The following FAM20A variants were observed in gnomAD, a reference collection of about 807,000 sequenced individuals.
The protein encoded by FAM20A is FAM20A golgi associated secretory pathway pseudokinase.
A neutral mutation model predicts 52.0 loss-of-function variants in FAM20A; 42 were observed. That is an observed-to-expected ratio of 0.81 (90% confidence interval 0.63 to 1.04). The LOEUF (loss-of-function observed/expected upper bound fraction) is 1.04. Ranked by LOEUF, FAM20A falls within the 50% of genes least tolerant of loss-of-function variation. FAM20A has a pLI of 0.00. For synonymous variants in FAM20A, 304 were observed against 298.9 expected (o/e 1.02, Z -0.18); for missense variants, 742 against 712.7 (o/e 1.04, Z -0.47).
intron 8 of FAM20A, 103 bp from the exon 9 acceptor site, chr17:68,540,069 GAC>G (rs1425834637): frequency 9.0e-6 from 9 of 996,648 alleles, no homozygotes; most frequent in East Asian, 5.0e-5. Flanking sequence ...TCACTTGAGA[GAC>G]AGGGGTGTGA....
At chr17:68,564,770 G>A (rs2087326891) in intron 1 of FAM20A, among the ~76,000 whole-genome samples, 1 of 152,148 alleles carries the variant, frequency 6.6e-6, no homozygotes. Flanking sequence ...ACGGGAGCCT[G>A]GAGTCCCATT....
chr17:68,539,422 G>C, intron 9 of FAM20A, 26 bp from the exon 10 acceptor site: 1 of 1,610,146 alleles, frequency 6.2e-7, no homozygotes, highest in Non-Finnish European at 8.5e-7. Flanking sequence ...GGCTTTTATG[G>C]GTGGCCGGCA....
At chr17:68,563,321 G>A (rs972271899) in intron 1 of FAM20A, among the ~76,000 whole-genome samples, 2 of 151,880 alleles carry the variant, frequency 1.3e-5, no homozygotes, top group South Asian at 2.1e-4. Flanking sequence ...GGGAGGCGGG[G>A]GTTGTAGTGA....
intron 1 of FAM20A, among the ~76,000 whole-genome samples, chr17:68,585,032 G>T (rs2088128232): frequency 6.6e-6 from 1 of 152,182 alleles, no homozygotes; most frequent in Non-Finnish European, 1.5e-5. Flanking sequence ...CAGTCTCTTG[G>T]AGTATTTTTC....
At chr17:68,548,825 C>T (rs1200891556) in intron 4 of FAM20A, among the ~76,000 whole-genome samples, 8 of 150,206 alleles carry the variant, frequency 5.3e-5, no homozygotes, top group African/African-American at 1.2e-4. Flanking sequence ...CTCCGCCTCC[C>T]GGGTTCACGC....
At position 68,554,694 on chromosome 17, in the gene FAM20A, A is replaced by T. The variant is rs1000782351; in HGVS notation, c.640+83T>A. 33 of 1,322,136 alleles carry T rather than the reference A, an allele frequency of 2.5e-5. No homozygotes were observed. In the Admixed American group the frequency reaches 6.1e-4, roughly 24 times the overall value. 81.9% of individuals were successfully genotyped at this position (1,322,136 alleles called of 1,614,324 possible). On this transcript the variant is annotated intron_variant, in intron 3 of 10. Coordinates refer to ENST00000592554, the MANE Select transcript of FAM20A (RefSeq NM_017565.4). Reference sequence around the variant, plus strand: ...AGCCATGCTCCTTCCACTCTTGCCCAAGGTCGCCACTGGAGTGGGTTTTGG... The same window carrying T: ...AGCCATGCTCCTTCCACTCTTGCCCTAGGTCGCCACTGGAGTGGGTTTTGG...
At position 68,540,105 on chromosome 17, in the gene FAM20A, A is replaced by G. The variant is rs1390866292; in HGVS notation, c.1220-139T>C. ...GAACGAAGCTGGGCCTCACACTGTC[A>G]TTTCCTCAGGGCCATCAGTGAAGCA... On this transcript the variant is annotated intron_variant, in intron 8 of 10. Transcript: ENST00000592554. 4 of 746,928 alleles carry G rather than the reference A, an allele frequency of 5.4e-6. No homozygotes were observed. The African/African-American group carries it at 6.9e-5, about 13-fold the overall frequency. The allele number at this position is 746,928 out of a possible 1,614,324, so 46.3% of individuals were successfully genotyped here.
Position 68,535,587 on chromosome 17 carries a change from C to T in FAM20A, c.*1890G>A. On this transcript the variant is annotated 3_prime_UTR_variant, in exon 11 of 11. Coordinates refer to ENST00000592554, the MANE Select transcript of FAM20A (RefSeq NM_017565.4). Reference sequence around the variant, plus strand: ...GAGAGACAGTGAATGAAGTGGGGAGCCCTATGCTGCAGTAGGGCCACAACA... The same window carrying T: ...GAGAGACAGTGAATGAAGTGGGGAGTCCTATGCTGCAGTAGGGCCACAACA... 4.4e-6 allele frequency: 2 copies of T among 453,948 alleles called. No homozygotes were observed. Among genetic ancestry groups the T allele is most frequent in the Non-Finnish European group, 8.8e-6 (2 of 226,774 alleles). The allele number at this position is 453,948 out of a possible 1,614,324, so 28.1% of individuals were successfully genotyped here.
intron 1 of FAM20A, among the ~76,000 whole-genome samples, chr17:68,564,061 G>C (rs2087302034): frequency 6.6e-6 from 1 of 152,160 alleles, no homozygotes; most frequent in African/African-American, 2.4e-5. Context: ...TGTGTCACAA[G>C]GACCTGGTTC....
intron 1 of FAM20A, among the ~76,000 whole-genome samples, chr17:68,578,838 C>CAAAAAAA (rs5821664): frequency 2.2e-4 from 8 of 36,054 alleles, no homozygotes; most frequent in Non-Finnish European, 3.2e-4. Flanking sequence ...CTAAAAATAC[C>CAAAAAAA]AAAAAAAAAA....
At chr17:68,567,102 C>G (rs2087397586) in intron 1 of FAM20A, among the ~76,000 whole-genome samples, 1 of 151,700 alleles carries the variant, frequency 6.6e-6, no homozygotes, top group African/African-American at 2.4e-5. Flanking sequence ...TAAATTTTTT[C>G]TTCCAGCTCT....
At chr17:68,552,665 C>CAT (rs1568739140) in intron 3 of FAM20A, among the ~76,000 whole-genome samples, 1 of 109,970 alleles carries the variant, frequency 9.1e-6, no homozygotes, top group Non-Finnish European at 1.9e-5. Context: ...CCTTTATTTT[C>CAT]CTTTTTTTTT....
In FAM20A at chr17:68,559,817, G is replaced by T. The variant is rs115421617; in HGVS notation, c.405-4074C>A. ...TTATAGGTATGATAATATAAAATCC[G>T]CACTGTTCTGAAACTTGCTTTATTT... On this transcript the variant is annotated intron_variant, in intron 1 of 10. Coordinates refer to ENST00000592554, the MANE Select transcript of FAM20A (RefSeq NM_017565.4). 5.4e-4 allele frequency among the ~76,000 whole-genome samples: 82 copies of T among 152,028 alleles called. 1 individual carries two copies. In the South Asian group the frequency reaches 0.017, roughly 31 times the overall value.
intron 5 of FAM20A, 63 bp downstream of exon 5, chr17:68,543,566 A>C (rs755505481): frequency 7.6e-6 from 11 of 1,448,988 alleles, no homozygotes; most frequent in Admixed American, 1.7e-5. Flanking sequence ...GGGTCTGTCT[A>C]GCCACCCCTC....
chr17:68,548,376 A>C (rs2086666147), intron 4 of FAM20A, among the ~76,000 whole-genome samples: 1 of 152,138 alleles, frequency 6.6e-6, no homozygotes, highest in Non-Finnish European at 1.5e-5. Context: ...CTAAAAATGC[A>C]AAAATTAGCC....
chr17:68,553,769 T>TATATACATGTATACACATAC (rs2086946074), intron 3 of FAM20A, among the ~76,000 whole-genome samples: 2 of 147,214 alleles, frequency 1.4e-5, no homozygotes, highest in African/African-American at 5.0e-5. Flanking sequence ...TATATATACA[T>TATATACATGTATACACATAC]ATATACATAT....
Position 68,537,814 on chromosome 17 carries a change from C to G in FAM20A, c.1362-73G>C. 6.6e-7 allele frequency: 1 copy of G among 1,509,456 alleles called. No homozygotes were observed. 93.5% of individuals were successfully genotyped at this position (1,509,456 alleles called of 1,614,324 possible). On this transcript the variant is annotated intron_variant, in intron 10 of 10. Coordinates refer to ENST00000592554, the MANE Select transcript of FAM20A (RefSeq NM_017565.4). This position sits in a 1 kb window ranked among gnomAD's most constrained non-coding sequence, Gnocchi z 4.2. ...TAACTTGCCTGAACTTCTTTCCCCACAAACAGCTGTTGTAGCTGATACTCT... is the reference window on the plus strand; with the variant it reads ...TAACTTGCCTGAACTTCTTTCCCCAGAAACAGCTGTTGTAGCTGATACTCT...
At chr17:68,573,487 T>G (rs2087630506) in intron 1 of FAM20A, among the ~76,000 whole-genome samples, 1 of 151,542 alleles carries the variant, frequency 6.6e-6, no homozygotes, top group Admixed American at 6.6e-5. Context: ...CTTTCTTTCT[T>G]TCCTTTCTTT....
chr17:68,568,472 A>ATAAAT, intron 1 of FAM20A, among the ~76,000 whole-genome samples: 1 of 151,176 alleles, frequency 6.6e-6, no homozygotes, highest in African/African-American at 2.4e-5. Flanking sequence ...CATCTCTAAA[A>ATAAAT]TAAATAAATA....
Sources: allele counts gnomAD v4.1 joint callset (sites outside exome capture counted in the v4.1 genomes callset), GRCh38; gene constraint gnomAD v4.1.1; non-coding constraint Gnocchi (gnomAD v3.1); transcripts MANE v1.5; gene names NCBI Gene and HGNC (gene_info 2026-07-23, HGNC 2026-07-21).